Variants in TRMT61A observed in about 807,000 individuals in gnomAD.
The protein encoded by TRMT61A is tRNA methyltransferase 61A, also known as tRNA (adenine(58)-N(1))-methyltransferase catalytic subunit TRMT61A.
TRMT61A carries 15 observed loss-of-function variants against 21.3 expected under a neutral mutation model. The ratio of observed to expected loss-of-function variants is 0.70; its 90% confidence interval spans 0.47 to 1.08. The LOEUF (loss-of-function observed/expected upper bound fraction) is 1.08, where lower values mean the gene tolerates loss of function less well. Ranked by LOEUF, TRMT61A falls within the 50% of genes least tolerant of loss-of-function variation. The pLI is 0.00. For missense variants in TRMT61A, 352 were observed against 426.7 expected, an observed-to-expected ratio of 0.83 and a Z score of 1.54; for synonymous variants, 183 against 185.5, an observed-to-expected ratio of 0.99 and a Z score of 0.11.
At chr14:103,530,359 G>C (rs769113560) in intron 2 of TRMT61A, 50 bp downstream of exon 2, 2 of 1,505,180 alleles carry the variant, frequency 1.3e-6, no homozygotes, top group African/African-American at 2.7e-5. Context: ...ACACAAAGGT[G>C]GAGGTCAGAG....
chr14:103,532,749 A>G lies in TRMT61A; in HGVS notation c.499A>G (p.Ser167Gly). ...VTVRTQDVCR[S>G]GFGVSHVADA... The stretch of plus-strand genomic sequence containing the variant: ...TGTGCGCACCCAGGACGTGTGCCGC[A>G]GTGGCTTTGGCGTGAGCCACGTGGC... Residue 167 changes from serine (S) to glycine (G), a missense_variant, in exon 3 of 4, where the codon AGT (serine) becomes GGT (glycine). By Grantham distance (56) the Ser-to-Gly change is moderately conservative (BLOSUM62 0). Transcript: ENST00000389749. The G allele has an allele frequency of 1.2e-6, 2 of 1,600,778 alleles. No individual in the cohort carries two copies. Among genetic ancestry groups the G allele is most frequent in the Non-Finnish European group, 1.7e-6 (2 of 1,174,340 alleles).
Position 103,531,033 on chromosome 14 carries a change from G to A in TRMT61A, c.331+724G>A, listed in dbSNP as rs927860707. 3.9e-4 allele frequency among the ~76,000 whole-genome samples: 59 copies of A among 152,316 alleles called. No individual in the cohort carries two copies. The highest frequency in any genetic ancestry group is 3.6e-3 in the Admixed American group (55 of 15,310). ...GTCTGGGTGGGAGGGGTGGAGAGCA[G>A]GACTTAGCCAACTCCATCAGCTGCT... is the stretch of plus-strand genomic sequence containing the variant. On this transcript the variant is annotated intron_variant, in intron 2 of 3. Transcript: ENST00000389749. This position sits in a 1 kb window ranked among gnomAD's most constrained non-coding sequence, Gnocchi z 5.1.
rs1595999759 is a variant in TRMT61A, at chr14:103,531,433, G to A, written c.331+1124G>A. 6.6e-6 allele frequency among the ~76,000 whole-genome samples: 1 copy of A among 152,346 alleles called. No individual in the cohort carries two copies. The highest frequency in any genetic ancestry group is 1.5e-5 in the Non-Finnish European group (1 of 68,032). ...TGCACCAAGGAGGAGCCGTGCCGAG[G>A]CCCTGCAGTTGGAGCATGCTGCCGA... is the stretch of plus-strand genomic sequence containing the variant. On this transcript the variant is annotated intron_variant, in intron 2 of 3. Coordinates refer to ENST00000389749, the MANE Select transcript of TRMT61A (RefSeq NM_152307.3). This position sits in a 1 kb window ranked among gnomAD's most constrained non-coding sequence, Gnocchi z 5.1.
intron 3 of TRMT61A, 43 bp downstream of exon 3, chr14:103,532,891 G>C: frequency 6.6e-7 from 1 of 1,509,328 alleles, no homozygotes. Flanking sequence ...GGGTGGGGGT[G>C]GGGCAAGGGT....
rs557025159 is a variant in TRMT61A at position 103,532,857 on chromosome 14, G to C, written c.598+9G>C. On this transcript the variant is annotated intron_variant, in intron 3 of 3. Coordinates refer to ENST00000389749, the MANE Select transcript of TRMT61A (RefSeq NM_152307.3). ...CGCCCTCAAGGTCGAAGGTGCATCC[G>C]GGGTTCCGGGAGAGGTACAGCCTGG... 1.9e-6 allele frequency: 3 copies of C among 1,539,312 alleles called. No individual in the cohort carries two copies. The highest frequency in any genetic ancestry group is 2.6e-6 in the Non-Finnish European group (3 of 1,139,028).
In TRMT61A at chr14:103,529,933, C is replaced by G; in HGVS notation, c.-29-17C>G. 6.5e-7 allele frequency: 1 copy of G among 1,538,108 alleles called. No homozygotes were observed. The highest frequency in any genetic ancestry group is 1.2e-5 in the South Asian group (1 of 82,122). On this transcript the variant is annotated splice_polypyrimidine_tract_variant and intron_variant, in intron 1 of 3. Coordinates refer to ENST00000389749, the MANE Select transcript of TRMT61A (RefSeq NM_152307.3). ...CTGCCTCCTGACTTGCTCATGCCTA[C>G]ACACACCCCTCCCCAGGTCCTTGGC...
Position 103,532,747 on chromosome 14 carries a change from G to A in TRMT61A, c.497G>A (p.Arg166His), listed in dbSNP as rs767496789. ...ACTGTGCGCACCCAGGACGTGTGCC[G>A]CAGTGGCTTTGGCGTGAGCCACGTG... ...WVTVRTQDVC[R>H]SGFGVSHVAD... Residue 166 changes from arginine to histidine, a missense_variant, in exon 3 of 4, where the codon CGC becomes CAC. Arg to His is a conservative substitution (Grantham distance 29, BLOSUM62 0). Coordinates refer to ENST00000389749, the MANE Select transcript of TRMT61A (RefSeq NM_152307.3). 4.7e-5 allele frequency: 76 copies of A among 1,601,408 alleles called. No homozygotes were observed. Among genetic ancestry groups the A allele is most frequent in the Middle Eastern group, 1.7e-4 (1 of 6,046 alleles).
In TRMT61A at chr14:103,535,261, T is replaced by A. The variant is rs1352704812; in HGVS notation, c.*440T>A. On this transcript the variant is annotated 3_prime_UTR_variant, in exon 4 of 4. Transcript: ENST00000389749. ...CTGCCCCACGGGGCCTGAGACCATCTCGTGCTTCTCCAGTCCCCGGGCCGA... is the reference window on the plus strand; with the variant it reads ...CTGCCCCACGGGGCCTGAGACCATCACGTGCTTCTCCAGTCCCCGGGCCGA... 3 of 453,742 alleles carry A rather than the reference T, an allele frequency of 6.6e-6. No homozygotes were observed. In the Admixed American group the frequency reaches 7.2e-5, roughly 11 times the overall value. The allele number at this position is 453,742 out of a possible 1,614,324, so 28.1% of individuals were successfully genotyped here.
intron 3 of TRMT61A, 91 bp from the exon 4 acceptor site, chr14:103,534,459 G>A: frequency 7.0e-7 from 1 of 1,434,616 alleles, no homozygotes; most frequent in Non-Finnish European, 9.2e-7. Flanking sequence ...GCTGGCCTCA[G>A]ACCCTAGGGT....
rs199528538 is a variant in TRMT61A at position 103,530,056 on chromosome 14, G to C, written c.78G>C (p.Val26=). 1.3e-5 allele frequency: 21 copies of C among 1,613,084 alleles called. No individual in the cohort carries two copies. In the East Asian group the frequency reaches 4.7e-4, roughly 36 times the overall value. The part of the protein sequence containing the change: ...AILSLGHGAM[V]AVRVQRGAQT... ...TGTCACTGGGCCATGGTGCAATGGT[G>C]GCGGTGCGTGTGCAGCGTGGGGCAC... Residue 26 remains valine, a synonymous_variant, in exon 2 of 4, where the codon GTG becomes GTC. Coordinates refer to ENST00000389749, the MANE Select transcript of TRMT61A (RefSeq NM_152307.3).
intron 2 of TRMT61A, 65 bp from the exon 3 acceptor site, chr14:103,532,517 C>G (rs970162542): frequency 5.0e-6 from 8 of 1,603,258 alleles, no homozygotes; most frequent in Admixed American, 1.7e-5. Context: ...GGGTTGTTTC[C>G]TGGGAGGCTG....
chr14:103,530,592 T>G (rs1292495122), intron 2 of TRMT61A, among the ~76,000 whole-genome samples: 1 of 152,188 alleles, frequency 6.6e-6, no homozygotes, highest in Non-Finnish European at 1.5e-5. Flanking sequence ...GTGGCCAGCT[T>G]GATGCTTGGC....
rs369433036 is a variant in TRMT61A at position 103,532,536 on chromosome 14, G to A, written c.332-46G>A. On this transcript the variant is annotated intron_variant, in intron 2 of 3. Coordinates refer to ENST00000389749, the MANE Select transcript of TRMT61A (RefSeq NM_152307.3). ...TGTTTCCTGGGAGGCTGTGGGTCCC[G>A]AGCAGTCCCAACTGATGCCTTGCCC... 861 of 1,611,814 alleles carry A rather than the reference G, an allele frequency of 5.3e-4. 15 individuals carry two copies. In the South Asian group the frequency reaches 8.4e-3, roughly 16 times the overall value.
chr14:103,530,442 C>A, intron 2 of TRMT61A, 133 bp downstream of exon 2: 1 of 824,478 alleles, frequency 1.2e-6, no homozygotes, highest in Non-Finnish European at 1.8e-6. Context: ...GGGATGCTGA[C>A]AGCAGGGAGT....
rs776393673 is a variant in TRMT61A, at chr14:103,532,559, C to CCCAT, written c.332-20_332-17dup. ...CCGAGCAGTCCCAACTGATGCCTTGCCCATCCCTTCTTGTCCTGCCAGGCA... is the reference window on the plus strand; with the variant it reads ...CCGAGCAGTCCCAACTGATGCCTTGCCCATCCATCCCTTCTTGTCCTGCCAGGCA... On this transcript the variant is annotated intron_variant, in intron 2 of 3. Coordinates refer to ENST00000389749, the MANE Select transcript of TRMT61A (RefSeq NM_152307.3). 9.3e-6 allele frequency: 15 copies of CCCAT among 1,612,824 alleles called. No individual in the cohort carries two copies. In the African/African-American group the frequency reaches 1.7e-4, roughly 19 times the overall value.
rs1482112905 is a variant in TRMT61A at position 103,535,580 on chromosome 14, G to T, written c.*759G>T. 1 of 337,464 alleles carries T rather than the reference G, an allele frequency of 3.0e-6. No individual in the cohort carries two copies. Among genetic ancestry groups the T allele is most frequent in the Non-Finnish European group, 5.9e-6 (1 of 169,884 alleles). The allele number at this position is 337,464 out of a possible 1,614,324, so 20.9% of individuals were successfully genotyped here. A position where few individuals can be genotyped will look rare whatever the true frequency, so the allele number is the denominator to read the frequency against. On this transcript the variant is annotated 3_prime_UTR_variant, in exon 4 of 4. Coordinates refer to ENST00000389749, the MANE Select transcript of TRMT61A (RefSeq NM_152307.3). The stretch of plus-strand genomic sequence containing the variant: ...GTCTGCCGCAGGCAACCAGGCAAGT[G>T]TGTCGGGGCTGGGGTGTGAATGCCA...
At chr14:103,532,962 G>C in intron 3 of TRMT61A, 114 bp downstream of exon 3, 1 of 1,378,412 alleles carries the variant, frequency 7.3e-7, no homozygotes, top group East Asian at 2.5e-5. Flanking sequence ...CATGGCAGTG[G>C]CCAGGCCAGG....
At chr14:103,529,647 G>A (rs954706723) in intron 1 of TRMT61A, among the ~76,000 whole-genome samples, 1 of 152,240 alleles carries the variant, frequency 6.6e-6, no homozygotes, top group African/African-American at 2.4e-5. Context: ...GTGATGGGAG[G>A]GTCGGGTCCT....
Position 103,534,782 on chromosome 14 carries a change from C to A in TRMT61A, c.831C>A (p.His277Gln), listed in dbSNP as rs762588533. 6.4e-7 allele frequency: 1 copy of A among 1,565,058 alleles called. No individual in the cohort carries two copies. Among genetic ancestry groups the A allele is most frequent in the Non-Finnish European group, 8.6e-7 (1 of 1,158,338 alleles). Reference protein sequence around the residue: ...SGTPMKEAVGHTGYLTFATKT... With the variant: ...SGTPMKEAVGQTGYLTFATKT... Reference sequence around the variant, plus strand: ...CGCCCATGAAGGAGGCCGTGGGCCACACCGGCTACCTGACCTTCGCCACCA... The same window carrying A: ...CGCCCATGAAGGAGGCCGTGGGCCAAACCGGCTACCTGACCTTCGCCACCA... Residue 277 changes from histidine to glutamine, a missense_variant, in exon 4 of 4, where the codon CAC becomes CAA. Physicochemically the swap from His to Gln is conservative, Grantham distance 24. Transcript: ENST00000389749.
Sources: gnomAD v4.1 joint callset for allele counts (sites outside exome capture counted in the v4.1 genomes callset) on GRCh38, gnomAD v4.1.1 for gene constraint, Gnocchi (gnomAD v3.1) non-coding constraint, MANE v1.5 for transcripts, NCBI Gene and HGNC (gene_info 2026-07-23, HGNC 2026-07-21) for gene names.